Variants in RASEF observed in about 807,000 individuals in gnomAD.
The protein encoded by RASEF is RAS and EF-hand domain containing.
RASEF carries 68 observed loss-of-function variants against 90.1 expected under a neutral mutation model. The ratio of observed to expected loss-of-function variants is 0.75; its 90% confidence interval spans 0.62 to 0.92. The LOEUF is 0.92. RASEF is among the 40% of genes least tolerant of loss of function. The pLI, the probability that RASEF is intolerant of heterozygous loss-of-function variation, is 0.00. For synonymous variants in RASEF, 331 were observed against 345.2 expected (o/e 0.96, Z 0.46); for missense variants, 949 against 937.2 (o/e 1.01, Z -0.16).
At chr9:83,174,054 A>G in the RASEF span, among the ~76,000 whole-genome samples, 1 of 151,826 alleles carries the variant, frequency 6.6e-6, no homozygotes, top group Non-Finnish European at 1.5e-5. Flanking sequence ...CTATACACAA[A>G]TCCAATACTA....
chr9:83,153,274 C>G, the RASEF span, among the ~76,000 whole-genome samples: 1 of 151,968 alleles, frequency 6.6e-6, no homozygotes, highest in Non-Finnish European at 1.5e-5. Context: ...TTTCACTCTC[C>G]CTCTCTTAGT....
chr9:83,049,190 A>T, intron 1 of RASEF: 2 of 396,694 alleles, frequency 5.0e-6, no homozygotes, highest in Non-Finnish European at 6.9e-6. Context: ...ATAACATATT[A>T]CACTTAACTA....
chr9:83,110,309 C>A, the RASEF span, among the ~76,000 whole-genome samples: 2 of 152,168 alleles, frequency 1.3e-5, no homozygotes, highest in African/African-American at 2.4e-5. Flanking sequence ...GTTCTTATCA[C>A]CCCTTCCCAA....
At chr9:83,218,665 T>C in the RASEF span, among the ~76,000 whole-genome samples, 1 of 152,004 alleles carries the variant, frequency 6.6e-6, no homozygotes, top group East Asian at 1.9e-4. Flanking sequence ...GCTGAAACAG[T>C]TTTCCCTGCT....
chr9:83,194,757 T>C, the RASEF span, among the ~76,000 whole-genome samples: 1 of 152,220 alleles, frequency 6.6e-6, no homozygotes, highest in Non-Finnish European at 1.5e-5. Flanking sequence ...ATTTTATACT[T>C]TCAGTTATAA....
the RASEF span, among the ~76,000 whole-genome samples, chr9:83,113,128 G>A: frequency 6.6e-4 from 100 of 152,266 alleles, no homozygotes; most frequent in African/African-American, 2.4e-3. Context: ...GACTGGAGCC[G>A]AGGCAGAAGA....
chr9:83,076,669 T>C, the RASEF span, among the ~76,000 whole-genome samples: 7 of 152,238 alleles, frequency 4.6e-5, no homozygotes, highest in African/African-American at 1.7e-4. Flanking sequence ...TTGTTTGCTT[T>C]GAAATCTAAA....
intron 4 of RASEF, among the ~76,000 whole-genome samples, chr9:83,014,029 C>A (rs1245970218): frequency 6.6e-6 from 1 of 152,194 alleles, no homozygotes. Flanking sequence ...TCAGTCGCTG[C>A]ATCTCTTCTT....
At chr9:83,140,316 G>A in the RASEF span, among the ~76,000 whole-genome samples, 1 of 152,180 alleles carries the variant, frequency 6.6e-6, no homozygotes, top group Non-Finnish European at 1.5e-5. Context: ...TTTAGAGACT[G>A]AAGTTCCCCA....
the RASEF span, among the ~76,000 whole-genome samples, chr9:83,161,036 A>C: frequency 6.6e-6 from 1 of 152,306 alleles, no homozygotes; most frequent in East Asian, 1.9e-4. Context: ...AGTTTGCTGT[A>C]GCGGTGGGGC....
chr9:83,128,075 C>T, the RASEF span, among the ~76,000 whole-genome samples: 2 of 135,482 alleles, frequency 1.5e-5, no homozygotes, highest in African/African-American at 5.7e-5. Context: ...TATCCAACTT[C>T]CACTTCTACT....
chr9:83,212,050 G>A, the RASEF span, among the ~76,000 whole-genome samples: 1 of 152,142 alleles, frequency 6.6e-6, no homozygotes, highest in African/African-American at 2.4e-5. Flanking sequence ...GTGTGTGTGT[G>A]TGTACATATA....
At chr9:83,099,799 C>T in the RASEF span, among the ~76,000 whole-genome samples, 1 of 152,290 alleles carries the variant, frequency 6.6e-6, no homozygotes, top group East Asian at 1.9e-4. Context: ...AGCTTGCATA[C>T]ATTAGTGCCA....
chr9:83,188,863 G>A, the RASEF span, among the ~76,000 whole-genome samples: 14 of 152,088 alleles, frequency 9.2e-5, no homozygotes, highest in Non-Finnish European at 1.6e-4. Flanking sequence ...ACAGCTCAAG[G>A]TCTTCCATAT....
the RASEF span, among the ~76,000 whole-genome samples, chr9:83,144,412 G>GAAAGAAAGAAAGAAATAAAT: frequency 8.1e-6 from 1 of 122,880 alleles, no homozygotes; most frequent in East Asian, 2.3e-4. Context: ...AAGAAAGAAA[G>GAAAGAAAGAAAGAAATAAAT]AAAGAAAAGA....
Position 83,005,558 on chromosome 9 carries a change from T to C in RASEF, c.1029-58A>G, listed in dbSNP as rs537722523. ...CAAGGAAAGTATCATTGGGGGTCAC[T>C]GTCATCACTTTCTTTTCTAGCTGTA... On this transcript the variant is annotated intron_variant, in intron 7 of 16. Transcript: ENST00000376447. The C allele has an allele frequency of 2.4e-6, 3 of 1,240,550 alleles. No individual in the cohort carries two copies. In the East Asian group the frequency reaches 7.0e-5, roughly 29 times the overall value. The allele number at this position is 1,240,550 out of a possible 1,614,324, so 76.8% of individuals were successfully genotyped here. A position where few individuals can be genotyped will look rare whatever the true frequency, so the allele number is the denominator to read the frequency against.
chr9:83,206,116 A>G, the RASEF span, among the ~76,000 whole-genome samples: 61 of 152,308 alleles, frequency 4.0e-4, no homozygotes, highest in African/African-American at 1.3e-3. Context: ...TGTACCTTCT[A>G]TCGTTTCAGC....
At chr9:83,015,105 G>A (rs1189032769) in intron 4 of RASEF, among the ~76,000 whole-genome samples, 2 of 152,134 alleles carry the variant, frequency 1.3e-5, no homozygotes, top group African/African-American at 4.8e-5. Flanking sequence ...ACTTAGAAGA[G>A]CAATATTCAT....
rs1450923465 is a variant in RASEF at position 83,062,850 on chromosome 9, G to A, written c.18C>T (p.Asp6=). The change falls in exon 1 of 17, where the codon GAC becomes GAT. Residue 6 remains aspartate (D), a synonymous_variant. Transcript: ENST00000376447. ...AGCGCAGCCGGGCCAGCTCCTCTCC[G>A]TCCCCATCCGCCTCCATCCCGCCTG... MEADG[D]GEELARLRSV... 6.5e-6 allele frequency: 10 copies of A among 1,529,894 alleles called. No individual in the cohort carries two copies. The highest frequency in any genetic ancestry group is 1.9e-5 in the Admixed American group (1 of 52,330). The allele number at this position is 1,529,894 out of a possible 1,614,324, so 94.8% of individuals were successfully genotyped here. A position where few individuals can be genotyped will look rare whatever the true frequency, so the allele number is the denominator to read the frequency against.
Sources: gnomAD v4.1 joint callset for allele counts (sites outside exome capture counted in the v4.1 genomes callset) on GRCh38, gnomAD v4.1.1 for gene constraint, MANE v1.5 for transcripts, NCBI Gene and HGNC (gene_info 2026-07-23, HGNC 2026-07-21) for gene names.